The following STIM1 variants were observed in gnomAD, a reference collection of about 807,000 sequenced individuals.
The protein encoded by STIM1 is stromal interaction molecule 1.
STIM1 carries 25 observed loss-of-function variants against 74.7 expected under a neutral mutation model. The observed-to-expected ratio is 0.33, with a 90% CI of 0.24 to 0.47. STIM1 has a LOEUF of 0.47. Among genes scored for constraint, STIM1 ranks in the 20% least tolerant of loss-of-function variants. The pLI, the probability that STIM1 is intolerant of heterozygous loss-of-function variation, is 1.00. For missense variants in STIM1, 728 were observed against 920.8 expected (o/e 0.79, Z 2.71); for synonymous variants, 328 against 348.8 (o/e 0.94, Z 0.66).
At chr11:3,928,163 C>T (rs2092811213) in intron 1 of STIM1, among the ~76,000 whole-genome samples, 1 of 152,166 alleles carries the variant, frequency 6.6e-6, no homozygotes, top group South Asian at 2.1e-4. Context: ...GACTGATCTC[C>T]CTAAGGAAGG....
At chr11:4,005,107 T>G (rs1241178331) in intron 2 of STIM1, among the ~76,000 whole-genome samples, 2 of 152,144 alleles carry the variant, frequency 1.3e-5, no homozygotes, top group Non-Finnish European at 2.9e-5. Context: ...GGATGTGGAA[T>G]AATAGGAACA....
intron 1 of STIM1, among the ~76,000 whole-genome samples, chr11:3,917,164 G>T (rs1333707065): frequency 2.0e-5 from 3 of 152,142 alleles, no homozygotes; most frequent in African/African-American, 7.2e-5. Flanking sequence ...CAGCCTGTGA[G>T]GAGCAGGGTG....
intron 1 of STIM1, among the ~76,000 whole-genome samples, chr11:3,920,450 A>G (rs1241005595): frequency 6.6e-6 from 1 of 152,190 alleles, no homozygotes; most frequent in Non-Finnish European, 1.5e-5. Flanking sequence ...TATAAATGGA[A>G]TCATGTCTGG....
intron 1 of STIM1, among the ~76,000 whole-genome samples, chr11:3,906,687 A>G (rs546420021): frequency 1.4e-4 from 21 of 152,290 alleles, no homozygotes; most frequent in African/African-American, 4.3e-4. Flanking sequence ...TAGAAATACT[A>G]TGGTCCCTTA....
intron 1 of STIM1, among the ~76,000 whole-genome samples, chr11:3,862,880 G>GCACACA (rs58778371): frequency 1.4e-5 from 2 of 146,132 alleles, no homozygotes; most frequent in African/African-American, 2.5e-5. Flanking sequence ...ACACACACAC[G>GCACACA]CACACACACA....
At chr11:3,986,739 C>G (rs892445025) in intron 2 of STIM1, among the ~76,000 whole-genome samples, 1 of 152,124 alleles carries the variant, frequency 6.6e-6, no homozygotes, top group African/African-American at 2.4e-5. Context: ...AGGGAAGTAT[C>G]TAGAGAATAG....
At chr11:4,064,324 C>T (rs752408741) in intron 5 of STIM1, among the ~76,000 whole-genome samples, 1 of 152,164 alleles carries the variant, frequency 6.6e-6, no homozygotes, top group Non-Finnish European at 1.5e-5. Context: ...CTGTGCCCCT[C>T]TAGACTTTAT....
chr11:3,925,451 A>G (rs2092776134), intron 1 of STIM1, among the ~76,000 whole-genome samples: 1 of 152,136 alleles, frequency 6.6e-6, no homozygotes, highest in Non-Finnish European at 1.5e-5. Context: ...TATTTAATCC[A>G]CTTTATTACT....
At chr11:3,940,111 G>C (rs981397520) in intron 1 of STIM1, among the ~76,000 whole-genome samples, 1 of 152,136 alleles carries the variant, frequency 6.6e-6, no homozygotes, top group African/African-American at 2.4e-5. Context: ...TTAATTCATG[G>C]TTTTGTATGG....
intron 5 of STIM1, among the ~76,000 whole-genome samples, chr11:4,065,087 T>C (rs961773171): frequency 1.3e-5 from 2 of 152,230 alleles, no homozygotes; most frequent in Admixed American, 6.5e-5. Flanking sequence ...TAATTTTTAA[T>C]GTGTGCCTAC....
chr11:4,017,809 C>G (rs1180641579), intron 2 of STIM1, among the ~76,000 whole-genome samples: 1 of 152,228 alleles, frequency 6.6e-6, no homozygotes, highest in East Asian at 1.9e-4. Context: ...ACTTCCACAG[C>G]TACCACCTTG....
At chr11:3,934,605 A>G (rs148079269) in intron 1 of STIM1, among the ~76,000 whole-genome samples, 17 of 152,362 alleles carry the variant, frequency 1.1e-4, no homozygotes, top group African/African-American at 3.8e-4. Context: ...GAGTCTCAAA[A>G]ATTGTAGAAT....
chr11:4,006,150 C>G (rs1048114498), intron 2 of STIM1, among the ~76,000 whole-genome samples: 2 of 152,102 alleles, frequency 1.3e-5, no homozygotes, highest in Non-Finnish European at 2.9e-5. Flanking sequence ...AACACCATCC[C>G]CTCTCAGTAT....
chr11:4,059,319 T>C lies in STIM1; in HGVS notation c.536T>C (p.Leu179Pro). ...VTNTTMTGTVLKMTDRSHRQK... is the reference protein window; with the variant it reads ...VTNTTMTGTVPKMTDRSHRQK... ...AACACCACCATGACAGGGACTGTGC[T>C]GAAGATGACAGACCGGAGTCATCGG... Residue 179 changes from leucine (L) to proline (P), a missense_variant, in exon 5 of 13, where the codon CTG (leucine) becomes CCG (proline). Coordinates refer to ENST00000526596, the MANE Select transcript of STIM1 (RefSeq NM_001382567.1). 1.2e-6 allele frequency: 2 copies of C among 1,614,112 alleles called. No individual in the cohort carries two copies. Among genetic ancestry groups the C allele is most frequent in the Non-Finnish European group, 1.7e-6 (2 of 1,179,992 alleles).
intron 7 of STIM1, 52 bp downstream of exon 7, chr11:4,074,731 G>A: frequency 6.5e-7 from 1 of 1,540,142 alleles, no homozygotes; most frequent in Non-Finnish European, 8.8e-7. Context: ...TAAAGGGCAG[G>A]GGCCCAGGGT....
intron 1 of STIM1, among the ~76,000 whole-genome samples, chr11:3,950,688 C>T (rs566294744): frequency 3.9e-5 from 6 of 152,122 alleles, no homozygotes; most frequent in South Asian, 4.2e-4. Context: ...TGCAGTAGTA[C>T]GATCATAGTT....
intron 1 of STIM1, among the ~76,000 whole-genome samples, chr11:3,878,452 GA>G (rs1351498697): frequency 6.6e-6 from 1 of 151,956 alleles, no homozygotes; most frequent in East Asian, 1.9e-4. Context: ...AAGCACATAT[GA>G]AGTTTCTTTT....
chr11:4,047,532 C>G (rs2133038385), intron 3 of STIM1, among the ~76,000 whole-genome samples: 1 of 152,280 alleles, frequency 6.6e-6, no homozygotes, highest in African/African-American at 2.4e-5. Context: ...AGGAGAATTA[C>G]ATGAACCTGG....
chr11:3,923,768 T>A (rs2092750707), intron 1 of STIM1, among the ~76,000 whole-genome samples: 1 of 152,138 alleles, frequency 6.6e-6, no homozygotes, highest in African/African-American at 2.4e-5. Context: ...TTTTAATTAT[T>A]CTTGATATTT....
Sources: gnomAD v4.1 joint callset for allele counts (sites outside exome capture counted in the v4.1 genomes callset) on GRCh38, gnomAD v4.1.1 for gene constraint, MANE v1.5 for transcripts, NCBI Gene and HGNC (gene_info 2026-07-23, HGNC 2026-07-21) for gene names.